PLCB1: variants seen among roughly 807,000 people sequenced by gnomAD.
PLCB1 encodes the protein 1-phosphatidylinositol 4,5-bisphosphate phosphodiesterase beta-1.
In PLCB1, 46 loss-of-function variants were observed where a neutral mutation model predicts 161.8. That is an observed-to-expected ratio of 0.28 (90% CI 0.22 to 0.36). PLCB1 has a LOEUF of 0.36. PLCB1 is among the 10% of genes least tolerant of loss of function. The probability of loss-of-function intolerance (pLI) is 1.00; values close to 1 mark genes in which losing one functional copy is unlikely to be tolerated. For missense variants in PLCB1, 1,016 were observed against 1,472.5 expected, an observed-to-expected ratio of 0.69 and a Z score of 5.07; for synonymous variants, 517 against 503.7, an observed-to-expected ratio of 1.03 and a Z score of -0.35.
chr20:8,790,229 A>G lies in PLCB1; in HGVS notation c.3391A>G (p.Ile1131Val). ...AAAACTCGTAGAGAAACACAAGGAA[A>G]TACGTCAGCAGATCCTGGATGAAAA... Reference protein sequence around the residue: ...QEKLVEKHKEIRQQILDEKPK... With the variant: ...QEKLVEKHKEVRQQILDEKPK... The change falls in exon 31 of 32, where the codon ATA becomes GTA. Residue 1131 changes from isoleucine to valine, a missense_variant. Ile to Val is a conservative substitution (Grantham distance 29, BLOSUM62 3). This residue lies in a region of PLCB1 where 398 missense variants were observed against 445.4 expected (regional missense o/e 0.89). Coordinates refer to ENST00000338037, the MANE Select transcript of PLCB1 (RefSeq NM_015192.4). 1 of 1,611,998 alleles carries G rather than the reference A, an allele frequency of 6.2e-7. No homozygotes were observed. The highest frequency in any genetic ancestry group is 8.5e-7 in the Non-Finnish European group (1 of 1,178,594).
chr20:8,386,563 T>C (rs1987432238), intron 3 of PLCB1, among the ~76,000 whole-genome samples: 1 of 152,228 alleles, frequency 6.6e-6, no homozygotes, highest in Admixed American at 6.5e-5. Context: ...TTTAGCATAA[T>C]TCTTCAGGGC....
intron 3 of PLCB1, among the ~76,000 whole-genome samples, chr20:8,484,352 GCTT>G (rs201107527): frequency 3.7e-4 from 42 of 113,508 alleles, no homozygotes; most frequent in Admixed American, 3.4e-3. Flanking sequence ...GCTAGCTGCT[GCTT>G]CTTCTTCTTC....
At chr20:8,441,267 A>T (rs557013385) in intron 3 of PLCB1, among the ~76,000 whole-genome samples, 1 of 152,212 alleles carries the variant, frequency 6.6e-6, no homozygotes, top group African/African-American at 2.4e-5. Flanking sequence ...GTTGAAATCT[A>T]TGTGAAAATA....
At chr20:8,273,886 A>G (rs562714935) in intron 2 of PLCB1, among the ~76,000 whole-genome samples, 3 of 152,326 alleles carry the variant, frequency 2.0e-5, no homozygotes, top group Admixed American at 6.5e-5. Flanking sequence ...GTACTTGGGA[A>G]AATCTGTTTC....
chr20:8,792,698 A>T (rs891914893), intron 31 of PLCB1: 1 of 461,842 alleles, frequency 2.2e-6, no homozygotes, highest in Non-Finnish European at 4.5e-6. Context: ...ATGTCAAACT[A>T]AAGCATTTCT....
intron 3 of PLCB1, among the ~76,000 whole-genome samples, chr20:8,523,927 A>C (rs1984481860): frequency 1.3e-5 from 2 of 152,208 alleles, no homozygotes; most frequent in East Asian, 3.9e-4. Flanking sequence ...GTATGGAATC[A>C]ACTGGGCGGA....
At chr20:8,324,563 C>G (rs763621028) in intron 2 of PLCB1, among the ~76,000 whole-genome samples, 7 of 152,250 alleles carry the variant, frequency 4.6e-5, no homozygotes, top group Middle Eastern at 6.8e-3. Flanking sequence ...ATTGGCAGCT[C>G]TTCTCTGATA....
At chr20:8,817,288 T>TGAGC (rs1985126852) in intron 31 of PLCB1, among the ~76,000 whole-genome samples, 1 of 152,070 alleles carries the variant, frequency 6.6e-6, no homozygotes, top group African/African-American at 2.4e-5. Context: ...ACCAGAGAGG[T>TGAGC]GAGCAGAGCA....
intron 1 of PLCB1, 87 bp from the exon 2 acceptor site, chr20:8,150,207 G>T: frequency 1.8e-6 from 1 of 553,408 alleles, no homozygotes. Context: ...TGGAGAATCT[G>T]TACAATTATT....
chr20:8,243,102 T>C (rs1285611138), intron 2 of PLCB1, among the ~76,000 whole-genome samples: 4 of 151,948 alleles, frequency 2.6e-5, no homozygotes, highest in Non-Finnish European at 5.9e-5. Context: ...GGTCATATTA[T>C]CAGGTGGTGA....
chr20:8,458,155 G>A (rs1309102886), intron 3 of PLCB1, among the ~76,000 whole-genome samples: 1 of 152,190 alleles, frequency 6.6e-6, no homozygotes, highest in Non-Finnish European at 1.5e-5. Context: ...TTGATTCTGA[G>A]TTGAAAGGAG....
At chr20:8,495,396 T>C (rs1323867095) in intron 3 of PLCB1, among the ~76,000 whole-genome samples, 3 of 33,510 alleles carry the variant, frequency 9.0e-5, no homozygotes, top group Non-Finnish European at 2.8e-4. Flanking sequence ...TTCTTTTTTT[T>C]TTTTTTTTTT....
At chr20:8,320,245 A>G (rs7266630) in intron 2 of PLCB1, among the ~76,000 whole-genome samples, 5,788 of 152,270 alleles carry the variant, frequency 0.038, 382 homozygotes, top group African/African-American at 0.13. Flanking sequence ...ACACAGACTC[A>G]TATACATATG....
intron 2 of PLCB1, among the ~76,000 whole-genome samples, chr20:8,291,726 T>G (rs1288444623): frequency 1.3e-5 from 2 of 152,232 alleles, no homozygotes; most frequent in Non-Finnish European, 2.9e-5. Flanking sequence ...ATTAAACTCA[T>G]CTAGTCTTCA....
At chr20:8,834,874 T>G in intron 31 of PLCB1, among the ~76,000 whole-genome samples, 1 of 149,958 alleles carries the variant, frequency 6.7e-6, no homozygotes, top group Admixed American at 6.6e-5. Context: ...AACCAATGTC[T>G]TAGTTCAGAG....
intron 6 of PLCB1, among the ~76,000 whole-genome samples, chr20:8,648,417 G>T (rs960899831): frequency 2.0e-5 from 3 of 152,168 alleles, no homozygotes; most frequent in Admixed American, 6.6e-5. Flanking sequence ...CTGTCTAAAG[G>T]AGACAACAGC....
At chr20:8,708,111 G>A (rs2123450719) in intron 11 of PLCB1, among the ~76,000 whole-genome samples, 1 of 152,134 alleles carries the variant, frequency 6.6e-6, no homozygotes, top group African/African-American at 2.4e-5. Context: ...TTGGGATGGT[G>A]CTCGCATGAC....
chr20:8,509,731 TAGATAG>T (rs1983791491), intron 3 of PLCB1, among the ~76,000 whole-genome samples: 1 of 3,864 alleles, frequency 2.6e-4, no homozygotes, highest in African/African-American at 8.5e-4. Context: ...AGGCAGATCA[TAGATAG>T]ATAGATAGAT....
chr20:8,262,453 T>C (rs1981749017), intron 2 of PLCB1, among the ~76,000 whole-genome samples: 1 of 152,128 alleles, frequency 6.6e-6, no homozygotes, highest in Non-Finnish European at 1.5e-5. Flanking sequence ...GTGGGGAATG[T>C]ATAATCCATG....
Sources: gnomAD v4.1 joint callset for allele counts (sites outside exome capture counted in the v4.1 genomes callset) on GRCh38, gnomAD v4.1.1 for gene constraint, gnomAD v4.1.1 regional missense constraint, MANE v1.5 for transcripts, NCBI Gene and HGNC (gene_info 2026-07-23, HGNC 2026-07-21) for gene names.